Variants in DCT observed in about 807,000 individuals in gnomAD.
DCT encodes the protein dopachrome tautomerase, also known as L-dopachrome tautomerase.
In DCT, 47 loss-of-function variants were observed where a neutral mutation model predicts 53.0. The observed-to-expected ratio is 0.89, with a 90% confidence interval of 0.70 to 1.13. The LOEUF is 1.13. DCT is among the 50% of genes most tolerant of loss of function. The pLI, the probability that DCT is intolerant of heterozygous loss-of-function variation, is 0.00. For missense variants in DCT, 669 were observed against 637.4 expected (o/e 1.05, Z -0.53); for synonymous variants, 244 against 237.0 (o/e 1.03, Z -0.27).
At chr13:94,543,915 A>G in the DCT span, among the ~76,000 whole-genome samples, 4 of 152,038 alleles carry the variant, frequency 2.6e-5, no homozygotes, top group Admixed American at 2.6e-4. Context: ...GTTACCTGTG[A>G]TCTTGGCTAC....
At chr13:94,549,086 C>CT in the DCT span, among the ~76,000 whole-genome samples, 1 of 152,222 alleles carries the variant, frequency 6.6e-6, no homozygotes, top group African/African-American at 2.4e-5. Context: ...GGCAAGTAAC[C>CT]TGGTGGCGCC....
At chr13:94,512,273 T>C in the DCT span, among the ~76,000 whole-genome samples, 22 of 152,306 alleles carry the variant, frequency 1.4e-4, no homozygotes, top group Admixed American at 1.4e-3. Context: ...TATAGAAGTA[T>C]ATTGAGATAA....
rs997391702 is a variant in DCT, at chr13:94,468,804, G to T, written c.537C>A (p.Cys179Ter). ...PNGTQPQFAN[C>*]SVYDFFVWLH... ...GCCACACAAAAAAATCATAAACACTGCAGTTGGCAAACTGCGGCTGGGTTC... is the reference window on the plus strand; with the variant it reads ...GCCACACAAAAAAATCATAAACACTTCAGTTGGCAAACTGCGGCTGGGTTC... The change falls in exon 2 of 8, where the codon TGC (cysteine) becomes TGA (stop). Residue 179 changes from cysteine (C) to a stop codon, truncating the protein, a stop_gained. Transcript: ENST00000377028. LOFTEE classifies it high-confidence loss of function. The T allele has an allele frequency of 1.9e-6, 3 of 1,614,036 alleles. No individual in the cohort carries two copies. In the African/African-American group the frequency reaches 4.0e-5, roughly 22 times the overall value.
intron 6 of DCT, among the ~76,000 whole-genome samples, chr13:94,456,434 C>T (rs1883419834): frequency 6.6e-6 from 1 of 152,048 alleles, no homozygotes; most frequent in South Asian, 2.1e-4. Flanking sequence ...TAATAAATCA[C>T]CTGTGAAATA....
chr13:94,489,761 T>TGC, the DCT span, among the ~76,000 whole-genome samples: 1 of 150,362 alleles, frequency 6.7e-6, no homozygotes, highest in African/African-American at 2.4e-5. Flanking sequence ...GAATGATTAA[T>TGC]ACACACACAC....
chr13:94,480,692 A>G (rs915669949), upstream of DCT, among the ~76,000 whole-genome samples: 1 of 152,220 alleles, frequency 6.6e-6, no homozygotes, highest in Non-Finnish European at 1.5e-5. Context: ...CCTGTACCAC[A>G]GCCCTACTGA....
chr13:94,468,912 G>A lies in DCT; in HGVS notation c.429C>T (p.Gly143=), dbSNP rs755335828. The change falls in exon 2 of 8, where the codon GGC becomes GGT. Residue 143 remains glycine, a synonymous_variant. Coordinates refer to ENST00000377028, the MANE Select transcript of DCT (RefSeq NM_001922.5). The part of the protein sequence containing the change: ...LSPQEREQFL[G]ALDLAKKRVH... ...CTCTCTTCTTCGCGAGATCTAAGGC[G>A]CCCAAGAACTGCTCTCTTTCCTGAG... 6 of 1,614,006 alleles carry A rather than the reference G, an allele frequency of 3.7e-6. No individual in the cohort carries two copies. Among genetic ancestry groups the A allele is most frequent in the African/African-American group, 2.7e-5 (2 of 74,904 alleles).
intron 1 of DCT, among the ~76,000 whole-genome samples, chr13:94,478,635 G>A (rs907747610): frequency 2.6e-5 from 4 of 152,264 alleles, no homozygotes; most frequent in Non-Finnish European, 1.5e-5. Flanking sequence ...CATCTTGAAA[G>A]GACTTGCTCC....
intron 6 of DCT, among the ~76,000 whole-genome samples, chr13:94,450,164 A>C (rs1882983945): frequency 1.3e-5 from 2 of 152,172 alleles, no homozygotes; most frequent in African/African-American, 4.8e-5. Context: ...TGAGCCAGGA[A>C]GAAGTTCCTC....
At chr13:94,541,720 G>A in the DCT span, among the ~76,000 whole-genome samples, 2 of 152,120 alleles carry the variant, frequency 1.3e-5, no homozygotes, top group African/African-American at 4.8e-5. Context: ...TGTTTGAGGT[G>A]ATGGATATCC....
the DCT span, among the ~76,000 whole-genome samples, chr13:94,524,926 A>G: frequency 6.6e-6 from 1 of 152,158 alleles, no homozygotes; most frequent in African/African-American, 2.4e-5. Flanking sequence ...ATGAACACAG[A>G]GAGAATACCC....
upstream of DCT, among the ~76,000 whole-genome samples, chr13:94,480,872 G>A (rs535847182): frequency 1.3e-5 from 2 of 152,362 alleles, no homozygotes; most frequent in Non-Finnish European, 2.9e-5. Flanking sequence ...ATAGTTTCCT[G>A]AGGCTTCTGT....
the DCT span, among the ~76,000 whole-genome samples, chr13:94,491,714 A>T: frequency 6.6e-6 from 1 of 152,156 alleles, no homozygotes; most frequent in East Asian, 1.9e-4. Flanking sequence ...CCATCATAAG[A>T]CTTAGCTGCT....
the DCT span, among the ~76,000 whole-genome samples, chr13:94,534,210 C>T: frequency 6.6e-6 from 1 of 151,970 alleles, no homozygotes; most frequent in African/African-American, 2.4e-5. Flanking sequence ...GTTAGTTACC[C>T]TATTGTGTCC....
the DCT span, among the ~76,000 whole-genome samples, chr13:94,518,837 G>T: frequency 6.6e-6 from 1 of 152,156 alleles, no homozygotes; most frequent in Non-Finnish European, 1.5e-5. Flanking sequence ...ATGGACTCCA[G>T]CTCTGCTTCA....
the DCT span, among the ~76,000 whole-genome samples, chr13:94,514,008 AAAAGAT>A: frequency 2.0e-5 from 3 of 151,590 alleles, no homozygotes; most frequent in African/African-American, 7.3e-5. Flanking sequence ...AAAAAAAAAA[AAAAGAT>A]AGATACCTAT....
the DCT span, among the ~76,000 whole-genome samples, chr13:94,486,331 G>A: frequency 2.2e-4 from 33 of 152,238 alleles, no homozygotes; most frequent in African/African-American, 7.7e-4. Flanking sequence ...TGAAATTTTA[G>A]TATTTCTAAT....
chr13:94,450,735 T>C (rs1221589670), intron 6 of DCT, among the ~76,000 whole-genome samples: 4 of 152,140 alleles, frequency 2.6e-5, no homozygotes, highest in Non-Finnish European at 5.9e-5. Flanking sequence ...ACATGCATCA[T>C]AAGTTGACAT....
chr13:94,452,827 G>A (rs2139302788), intron 6 of DCT, among the ~76,000 whole-genome samples: 1 of 152,122 alleles, frequency 6.6e-6, no homozygotes, highest in East Asian at 1.9e-4. Flanking sequence ...AAAAGTGGGG[G>A]AAAGGCAAAG....
Sources: gnomAD v4.1 joint callset for allele counts (sites outside exome capture counted in the v4.1 genomes callset) on GRCh38, gnomAD v4.1.1 for gene constraint, MANE v1.5 for transcripts, NCBI Gene and HGNC (gene_info 2026-07-23, HGNC 2026-07-21) for gene names.